Variants in TPST2 observed in about 807,000 individuals in gnomAD.
The protein encoded by TPST2 is protein-tyrosine sulfotransferase 2.
A neutral mutation model predicts 27.8 loss-of-function variants in TPST2; 16 were observed. The observed-to-expected ratio is 0.58, with a 90% CI of 0.39 to 0.88. The LOEUF (loss-of-function observed/expected upper bound fraction) is 0.88, where lower values mean the gene tolerates loss of function less well. Among genes scored for constraint, TPST2 ranks in the 40% least tolerant of loss-of-function variants. TPST2 has a pLI of 0.00. For missense variants in TPST2, 464 were observed against 543.1 expected (o/e 0.85, Z 1.45); for synonymous variants, 229 against 231.7 (o/e 0.99, Z 0.10).
chr22:26,549,949 A>G (rs1426148826), intron 1 of TPST2, among the ~76,000 whole-genome samples: 10 of 145,222 alleles, frequency 6.9e-5, no homozygotes, highest in African/African-American at 1.8e-4. Context: ...CTAAGGCAGG[A>G]GAATTGCTTG....
At chr22:26,584,695 A>C (rs557226954) in intron 1 of TPST2, among the ~76,000 whole-genome samples, 4 of 152,274 alleles carry the variant, frequency 2.6e-5, no homozygotes, top group Admixed American at 1.3e-4. Context: ...CCCAAAACAA[A>C]AAAAAAAGAA....
chr22:26,524,304 T>C lies in TPST2; in HGVS notation c.*1971A>G, dbSNP rs1057890. 62,300 of 151,364 alleles carry C rather than the reference T, an allele frequency of 0.41. 13,830 individuals are homozygous for C. The highest frequency in any genetic ancestry group is 0.58 in the African/African-American group (24,107 of 41,212). The allele number at this position is 151,364 out of a possible 1,614,324, so 9.4% of individuals were successfully genotyped here. ...CCATTAGCCATCCCCAATAAACCCA[T>C]GAAGTTCAGCCTGAACAGCATAGAA... On this transcript the variant is annotated 3_prime_UTR_variant, in exon 7 of 7. Coordinates refer to ENST00000338754, the MANE Select transcript of TPST2 (RefSeq NM_003595.5).
intron 2 of TPST2, among the ~76,000 whole-genome samples, chr22:26,542,241 A>G (rs1280642983): frequency 2.5e-5 from 1 of 39,416 alleles, no homozygotes; most frequent in Non-Finnish European, 7.7e-5. Flanking sequence ...GACTCCGTCT[A>G]AAAAAAAAAA....
intron 1 of TPST2, among the ~76,000 whole-genome samples, chr22:26,556,401 G>A (rs564185332): frequency 1.3e-5 from 2 of 152,216 alleles, no homozygotes; most frequent in East Asian, 1.9e-4. Context: ...TTAGCCAGGC[G>A]TGGTGGCAGC....
intron 1 of TPST2, among the ~76,000 whole-genome samples, chr22:26,589,281 G>C (rs985506888): frequency 2.0e-5 from 3 of 152,024 alleles, no homozygotes; most frequent in African/African-American, 7.2e-5. Flanking sequence ...TAGGGAACGG[G>C]CCTTTGAGTG....
chr22:26,551,314 AC>A (rs1468485762), intron 1 of TPST2, among the ~76,000 whole-genome samples: 6 of 152,164 alleles, frequency 3.9e-5, no homozygotes, highest in African/African-American at 1.2e-4. Flanking sequence ...AAACAAAAAA[AC>A]ATTAGTTCAG....
At chr22:26,566,905 C>T (rs975786973) in intron 1 of TPST2, among the ~76,000 whole-genome samples, 14 of 152,206 alleles carry the variant, frequency 9.2e-5, no homozygotes, top group African/African-American at 2.9e-4. Context: ...GACATTTGGA[C>T]CAGATCATTC....
chr22:26,557,337 C>T (rs1156616174), intron 1 of TPST2, among the ~76,000 whole-genome samples: 2 of 152,226 alleles, frequency 1.3e-5, no homozygotes, highest in African/African-American at 4.8e-5. Flanking sequence ...GCAGCATCAC[C>T]TCCACTCTCT....
At chr22:26,532,020 GCTT>G (rs1185265586) in intron 5 of TPST2, among the ~76,000 whole-genome samples, 1 of 152,216 alleles carries the variant, frequency 6.6e-6, no homozygotes, top group African/African-American at 2.4e-5. Context: ...TGTAGTCTCA[GCTT>G]CTTGAGGGGC....
rs1435553211 is a variant in TPST2, at chr22:26,541,588, C to T, written c.43G>A (p.Ala15Thr). The T allele has an allele frequency of 3.7e-6, 6 of 1,602,012 alleles. No homozygotes were observed. In the South Asian group the frequency reaches 4.4e-5, roughly 12 times the overall value. ...VRRVLLAAGC[A>T]LVLVLAVQLG... ...TGAACCGCCAGCACCAGGACCAGGGCGCAGCCGGCTGCCAGCAGCACCCTC... is the reference window on the plus strand; with the variant it reads ...TGAACCGCCAGCACCAGGACCAGGGTGCAGCCGGCTGCCAGCAGCACCCTC... Residue 15 changes from alanine (A) to threonine (T), a missense_variant, in exon 3 of 7, where the codon GCC becomes ACC. Coordinates refer to ENST00000338754, the MANE Select transcript of TPST2 (RefSeq NM_003595.5). The surrounding 1 kb of genome is among the most constrained non-coding windows in gnomAD (Gnocchi z 5.9).
intron 4 of TPST2, among the ~76,000 whole-genome samples, chr22:26,534,277 AGGCATGCATG>A (rs1925330812): frequency 6.6e-6 from 1 of 152,168 alleles, no homozygotes; most frequent in Admixed American, 6.5e-5. Flanking sequence ...AGAAGCACAC[AGGCATGCATG>A]CAAACTCACA....
At position 26,569,991 on chromosome 22, in the gene TPST2, AAAAGAAAG is replaced by A. The variant is rs770577530; in HGVS notation, c.-161+20054_-161+20061del. ...AAGGAAGAAAGAAAGAAAAGAAAGA[AAAAGAAAG>A]AAAGAAAGAAAGAAAGAAAGAAAGA... On this transcript the variant is annotated intron_variant, in intron 1 of 6. Transcript: ENST00000338754. Among the ~76,000 whole-genome samples the A allele has an allele frequency of 9.6e-4, 19 of 19,872 alleles. 1 individual carries two copies. The highest frequency in any genetic ancestry group is 1.4e-3 in the Non-Finnish European group (17 of 12,458). 13.0% of individuals were successfully genotyped at this position (19,872 alleles called of 152,430 possible).
intron 5 of TPST2, among the ~76,000 whole-genome samples, chr22:26,531,444 G>A (rs1172644789): frequency 1.3e-5 from 2 of 152,208 alleles, no homozygotes; most frequent in African/African-American, 4.8e-5. Context: ...CATTGGGGTA[G>A]AAACAAAGAA....
intron 1 of TPST2, among the ~76,000 whole-genome samples, chr22:26,565,890 T>C (rs1569192071): frequency 6.6e-6 from 1 of 152,172 alleles, no homozygotes; most frequent in Non-Finnish European, 1.5e-5. Context: ...AAATTCTCAG[T>C]AGAAATGGCT....
intron 1 of TPST2, among the ~76,000 whole-genome samples, chr22:26,581,071 A>G (rs1369829657): frequency 2.7e-5 from 4 of 150,430 alleles, no homozygotes; most frequent in Non-Finnish European, 4.4e-5. Context: ...CACACACACT[A>G]TAGTCTTTGT....
intron 1 of TPST2, among the ~76,000 whole-genome samples, chr22:26,582,157 T>G (rs8137061): frequency 0.017 from 2,632 of 152,304 alleles, 74 homozygotes; most frequent in African/African-American, 0.059. Flanking sequence ...CCGGGCGCTG[T>G]GGCTCACGCC....
intron 1 of TPST2, among the ~76,000 whole-genome samples, chr22:26,566,624 C>T (rs1395601503): frequency 1.3e-5 from 2 of 151,772 alleles, no homozygotes; most frequent in African/African-American, 2.4e-5. Flanking sequence ...TGGTAGCAGG[C>T]GCCTGTAATC....
In TPST2 at chr22:26,528,232, C is replaced by G. The variant is rs534708697; in HGVS notation, c.1123G>C (p.Gly375Arg). The G allele has an allele frequency of 8.9e-6, 14 of 1,564,480 alleles. No homozygotes were observed. Among genetic ancestry groups the G allele is most frequent in the Non-Finnish European group, 1.2e-5 (14 of 1,152,712 alleles). The change falls in exon 6 of 7, where the codon GGA becomes CGA. Residue 375 changes from glycine to arginine, a missense_variant. Gly to Arg is a moderately radical substitution (Grantham distance 125). Transcript: ENST00000338754. ...VNQNSTSSHL[G>R]SS ...GGCTTACCTGGAAATCACGAGCTTC[C>G]TAAGTGGGAGGAGGTGCTGTTCTGG...
chr22:26,589,514 C>T (rs894951305), intron 1 of TPST2, among the ~76,000 whole-genome samples: 5 of 152,168 alleles, frequency 3.3e-5, no homozygotes, highest in Non-Finnish European at 7.4e-5. Flanking sequence ...CACCAGTGAC[C>T]TCCAAGTTCA....
Sources: allele counts gnomAD v4.1 joint callset (sites outside exome capture counted in the v4.1 genomes callset), GRCh38; gene constraint gnomAD v4.1.1; non-coding constraint Gnocchi (gnomAD v3.1); transcripts MANE v1.5; gene names NCBI Gene and HGNC (gene_info 2026-07-23, HGNC 2026-07-21).